Variants in TRHDE observed in about 807,000 individuals in gnomAD.
TRHDE encodes the protein thyrotropin releasing hormone degrading enzyme, also known as thyrotropin-releasing hormone-degrading ectoenzyme.
In TRHDE, 72 loss-of-function variants were observed where a neutral mutation model predicts 125.7. The observed-to-expected ratio is 0.57, with a 90% CI of 0.47 to 0.70. TRHDE has a LOEUF of 0.70. Among genes scored for constraint, TRHDE ranks in the 30% least tolerant of loss-of-function variants. The pLI is 0.00. For missense variants in TRHDE, 1,110 were observed against 1,327.1 expected (o/e 0.84, Z 2.54); for synonymous variants, 509 against 509.1 (o/e 1.00, Z 0.00).
At chr12:72,422,578 A>T (rs770001449) in intron 3 of TRHDE, among the ~76,000 whole-genome samples, 1 of 152,184 alleles carries the variant, frequency 6.6e-6, no homozygotes, top group Admixed American at 6.5e-5. Flanking sequence ...AAGAATACAG[A>T]ATGCTTTCAT....
At chr12:72,102,154 A>G (rs1051636463) in intron 1 of TRHDE, among the ~76,000 whole-genome samples, 6 of 152,202 alleles carry the variant, frequency 3.9e-5, no homozygotes, top group African/African-American at 1.4e-4. Context: ...GCCCTCAGAT[A>G]TATTTAGGTA....
At chr12:72,356,446 C>A (rs1870824802) in intron 2 of TRHDE, among the ~76,000 whole-genome samples, 1 of 151,184 alleles carries the variant, frequency 6.6e-6, no homozygotes, top group Non-Finnish European at 1.5e-5. Context: ...AGACTTAGTA[C>A]CTGGTTGACA....
chr12:72,385,659 A>C (rs1324462138), intron 3 of TRHDE, among the ~76,000 whole-genome samples: 3 of 152,156 alleles, frequency 2.0e-5, no homozygotes, highest in Admixed American at 2.0e-4. Context: ...ATTTTAACAC[A>C]ATTTAACAAG....
intron 2 of TRHDE, among the ~76,000 whole-genome samples, chr12:72,321,653 T>C (rs1445273527): frequency 6.6e-6 from 1 of 152,164 alleles, no homozygotes; most frequent in Non-Finnish European, 1.5e-5. Context: ...AAAATGTATA[T>C]ACATTATGTT....
intron 3 of TRHDE, among the ~76,000 whole-genome samples, chr12:72,458,070 G>A (rs890500007): frequency 2.6e-5 from 4 of 152,068 alleles, no homozygotes; most frequent in African/African-American, 4.8e-5. Context: ...TTAAAGAGCC[G>A]ATTATGAGAA....
chr12:72,599,679 G>A (rs75795479), intron 12 of TRHDE, among the ~76,000 whole-genome samples: 195 of 152,092 alleles, frequency 1.3e-3, no homozygotes, highest in South Asian at 4.6e-3. Flanking sequence ...TGTCTACTCC[G>A]TTGATAATCT....
chr12:72,503,645 C>T (rs561774549), intron 6 of TRHDE, among the ~76,000 whole-genome samples: 13 of 152,216 alleles, frequency 8.5e-5, no homozygotes, highest in South Asian at 6.2e-4. Flanking sequence ...AGTTGAATTA[C>T]GTATTTACAG....
chr12:72,198,997 T>G (rs1877500530), intron 2 of TRHDE, among the ~76,000 whole-genome samples: 1 of 151,826 alleles, frequency 6.6e-6, no homozygotes, highest in Admixed American at 6.6e-5. Flanking sequence ...GCCACACACT[T>G]TTAAATCAGA....
At chr12:72,170,629 C>A (rs1876852009) in intron 2 of TRHDE, among the ~76,000 whole-genome samples, 1 of 152,044 alleles carries the variant, frequency 6.6e-6, no homozygotes, top group African/African-American at 2.4e-5. Flanking sequence ...CTCCATAGAT[C>A]TAGGATGGAC....
At chr12:72,270,014 A>G (rs933309222), upstream of TRHDE, among the ~76,000 whole-genome samples, 1 of 152,196 alleles carries the variant, frequency 6.6e-6, no homozygotes, top group Non-Finnish European at 1.5e-5. Flanking sequence ...ATATTGGATC[A>G]GTAATACTAA....
At chr12:72,407,082 G>C (rs1459155546) in intron 3 of TRHDE, among the ~76,000 whole-genome samples, 2 of 152,130 alleles carry the variant, frequency 1.3e-5, no homozygotes, top group Admixed American at 6.5e-5. Flanking sequence ...TTGTCACAAA[G>C]GTTTTTTTTC....
intron 3 of TRHDE, among the ~76,000 whole-genome samples, chr12:72,430,482 TAC>T (rs1258425356): frequency 6.7e-6 from 1 of 149,778 alleles, no homozygotes; most frequent in Non-Finnish European, 1.5e-5. Flanking sequence ...CATATATATA[TAC>T]ACACACACAA....
chr12:72,663,209 T>TAAAC lies in TRHDE; in HGVS notation c.*21_*24dup, dbSNP rs753311858. The TAAAC allele has an allele frequency of 1.9e-5, 30 of 1,571,724 alleles. No individual in the cohort carries two copies. The highest frequency in any genetic ancestry group is 2.6e-5 in the Non-Finnish European group (30 of 1,156,644). ...CTAAGACACTAATATATGTATCTTA[T>TAAAC]AAACAAACAATTCAACTCAGAAGTT... On this transcript the variant is annotated 3_prime_UTR_variant, in exon 19 of 19. Transcript: ENST00000261180.
intron 6 of TRHDE, among the ~76,000 whole-genome samples, chr12:72,508,346 AG>A (rs2135944665): frequency 6.6e-6 from 1 of 152,226 alleles, no homozygotes; most frequent in East Asian, 1.9e-4. Context: ...GAGCCCCCAA[AG>A]CTACAGGGGC....
At chr12:72,456,730 G>A (rs1263674383) in intron 3 of TRHDE, among the ~76,000 whole-genome samples, 3 of 151,938 alleles carry the variant, frequency 2.0e-5, no homozygotes, top group African/African-American at 7.3e-5. Context: ...TCCCGTTATG[G>A]GTGCAAAGTG....
At chr12:72,353,904 CTGATG>C (rs201437555) in intron 2 of TRHDE, among the ~76,000 whole-genome samples, 62,533 of 150,742 alleles carry the variant, frequency 0.41, 14,956 homozygotes, top group East Asian at 0.6. Context: ...TATGCTAATC[CTGATG>C]TCATGGCAGT....
At chr12:72,406,261 T>C (rs1415408315) in intron 3 of TRHDE, among the ~76,000 whole-genome samples, 1 of 152,186 alleles carries the variant, frequency 6.6e-6, no homozygotes, top group Non-Finnish European at 1.5e-5. Context: ...GAACTTTTGA[T>C]TTATGAGAAT....
intron 3 of TRHDE, among the ~76,000 whole-genome samples, chr12:72,426,494 A>G (rs547162204): frequency 6.6e-6 from 1 of 152,274 alleles, no homozygotes; most frequent in East Asian, 1.9e-4. Context: ...ATCTACATGT[A>G]TCTACTCCAT....
At chr12:72,209,644 G>C (rs570571778) in intron 2 of TRHDE, among the ~76,000 whole-genome samples, 1 of 152,296 alleles carries the variant, frequency 6.6e-6, no homozygotes, top group Non-Finnish European at 1.5e-5. Flanking sequence ...TGATTTCTCT[G>C]TGTAAAGATT....
Sources: allele counts gnomAD v4.1 joint callset (sites outside exome capture counted in the v4.1 genomes callset), GRCh38; gene constraint gnomAD v4.1.1; transcripts MANE v1.5; gene names NCBI Gene and HGNC (gene_info 2026-07-23, HGNC 2026-07-21).